The following ERF variants were observed in gnomAD, a reference collection of about 807,000 sequenced individuals.
ERF encodes the protein ETS domain-containing transcription factor ERF.
Under a neutral mutation model 41.6 loss-of-function variants are expected in ERF, and 10 were observed. That is an observed-to-expected ratio of 0.24 (90% confidence interval 0.15 to 0.41). The LOEUF (loss-of-function observed/expected upper bound fraction) is 0.41, where lower values mean the gene tolerates loss of function less well. Ranked by LOEUF, ERF falls within the 10% of genes least tolerant of loss-of-function variation. The probability of loss-of-function intolerance (pLI) is 1.00; values close to 1 mark genes in which losing one functional copy is unlikely to be tolerated. For synonymous variants in ERF, 395 were observed against 342.4 expected, an observed-to-expected ratio of 1.15 and a Z score of -1.70; for missense variants, 621 against 763.2, an observed-to-expected ratio of 0.81 and a Z score of 2.19.
intron 1 of ERF, chr19:42,253,921 G>GCCCCCTTCCCCCT: frequency 1.9e-6 from 2 of 1,053,068 alleles, no homozygotes; most frequent in African/African-American, 3.5e-5. Context: ...GCGGCGCCCG[G>GCCCCCTTCCCCCT]CCCCCTTCCC....
chr19:42,248,698 G>C lies in ERF; in HGVS notation c.1414C>G (p.Pro472Ala), dbSNP rs745620257. The C allele has an allele frequency of 1.2e-6, 2 of 1,611,400 alleles. No individual in the cohort carries two copies. Among genetic ancestry groups the C allele is most frequent in the African/African-American group, 1.3e-5 (1 of 74,890 alleles). Residue 472 changes from proline to alanine, a missense_variant, in exon 4 of 4, where the codon CCC becomes GCC. Physicochemically the swap from Pro to Ala is conservative, Grantham distance 27. Transcript: ENST00000222329. This position sits in a 1 kb window ranked among gnomAD's most constrained non-coding sequence, Gnocchi z 4.2. ...AGGGGCATGCACTGGGATGCCCCGGGTGCCTCGCCGGGCTCAGGCTTAGGG... is the reference window on the plus strand; with the variant it reads ...AGGGGCATGCACTGGGATGCCCCGGCTGCCTCGCCGGGCTCAGGCTTAGGG... ...APPKPEPGEA[P>A]GASQCMPLKL... is the part of the protein sequence containing the mutation.
chr19:42,248,641 C>T lies in ERF; in HGVS notation c.1471G>A (p.Asp491Asn). 6.3e-7 allele frequency: 1 copy of T among 1,593,848 alleles called. No homozygotes were observed. The highest frequency in any genetic ancestry group is 8.6e-7 in the Non-Finnish European group (1 of 1,167,138). ...KLRFKRRWSEDCRLEGGGGPA... is the reference protein window; with the variant it reads ...KLRFKRRWSENCRLEGGGGPA... Reference sequence around the variant, plus strand: ...CCCCCACCCCCTTCGAGGCGACAGTCTTCACTCCAGCGCCGCTTAAAGCGT... The same window carrying T: ...CCCCCACCCCCTTCGAGGCGACAGTTTTCACTCCAGCGCCGCTTAAAGCGT... Residue 491 changes from aspartate (D) to asparagine (N), a missense_variant, in exon 4 of 4, where the codon GAC becomes AAC. Asp to Asn is a conservative substitution (Grantham distance 23). Transcript: ENST00000222329. This position sits in a 1 kb window ranked among gnomAD's most constrained non-coding sequence, Gnocchi z 4.2.
rs1405558150 is a variant in ERF, at chr19:42,250,814, C to T, written c.23-249G>A. Among the ~76,000 whole-genome samples the T allele has an allele frequency of 2.0e-5, 3 of 152,100 alleles. No individual in the cohort carries two copies. Among genetic ancestry groups the T allele is most frequent in the Admixed American group, 6.5e-5 (1 of 15,278 alleles). On this transcript the variant is annotated intron_variant, in intron 1 of 3. Coordinates refer to ENST00000222329, the MANE Select transcript of ERF (RefSeq NM_006494.4). The surrounding 1 kb of genome is among the most constrained non-coding windows in gnomAD (Gnocchi z 5.1). ...GACACCGGGAGAAACAGGAAACCGTCGGCGGTGGGTCCCGGGGCCAGTGCC... is the reference window on the plus strand; with the variant it reads ...GACACCGGGAGAAACAGGAAACCGTTGGCGGTGGGTCCCGGGGCCAGTGCC...
chr19:42,249,864 C>T lies in ERF; in HGVS notation c.336G>A (p.Val112=), dbSNP rs1398610999. 7 of 1,614,032 alleles carry T rather than the reference C, an allele frequency of 4.3e-6. No individual in the cohort carries two copies. Among genetic ancestry groups the T allele is most frequent in the East Asian group, 2.2e-5 (1 of 44,890 alleles). ...FTYKFNFNKL[V]LVNYPFIDVG... ...CATCAATGAATGGGTAATTGACCAGCACCAGTTTGTTGAAATTGAACTTGT... is the reference window on the plus strand; with the variant it reads ...CATCAATGAATGGGTAATTGACCAGTACCAGTTTGTTGAAATTGAACTTGT... The change falls in exon 3 of 4, where the codon GTG becomes GTA. Residue 112 remains valine, a synonymous_variant. Transcript: ENST00000222329. This position sits in a 1 kb window ranked among gnomAD's most constrained non-coding sequence, Gnocchi z 8.6.
chr19:42,250,564 C>T lies in ERF; in HGVS notation c.24G>A (p.Gly8=), dbSNP rs200969503. 1,269 of 1,612,906 alleles carry T rather than the reference C, an allele frequency of 7.9e-4. 4 individuals are homozygous for T. Among genetic ancestry groups the T allele is most frequent in the Non-Finnish European group, 5.2e-4 (615 of 1,179,790 alleles). MKTPADT[G]FAFPDWAYKP... Reference sequence around the variant, plus strand: ...TGTAGGCCCAATCCGGGAAGGCAAACCCTGGGGACGGGAGGCAGGGAGTGG... The same window carrying T: ...TGTAGGCCCAATCCGGGAAGGCAAATCCTGGGGACGGGAGGCAGGGAGTGG... Residue 8 remains glycine (G), a splice_region_variant and synonymous_variant, in exon 2 of 4, where the codon GGG becomes GGA. Transcript: ENST00000222329. The surrounding 1 kb of genome is among the most constrained non-coding windows in gnomAD (Gnocchi z 5.1).
Position 42,255,086 on chromosome 19 carries a change from C to T in ERF, c.-87G>A, listed in dbSNP as rs2036511286. 1.7e-6 allele frequency: 2 copies of T among 1,147,720 alleles called. No homozygotes were observed. Among genetic ancestry groups the T allele is most frequent in the African/African-American group, 3.2e-5 (2 of 61,844 alleles). The allele number at this position is 1,147,720 out of a possible 1,614,324, so 71.1% of individuals were successfully genotyped here. ...CCCGTCCCGTCCCGCGCCCGTCGGG[C>T]CGCCCTCGCCGCCTCACCCGGCCTC... On this transcript the variant is annotated 5_prime_UTR_variant, in exon 1 of 4. Coordinates refer to ENST00000222329, the MANE Select transcript of ERF (RefSeq NM_006494.4).
intron 1 of ERF, chr19:42,253,928 TC>T (rs913971223): frequency 2.3e-5 from 24 of 1,035,284 alleles, no homozygotes; most frequent in South Asian, 5.9e-5. Context: ...CCGGCCCCCT[TC>T]CCCCTCCCCC....
chr19:42,252,748 G>A (rs1356045156), intron 1 of ERF, among the ~76,000 whole-genome samples: 1 of 152,196 alleles, frequency 6.6e-6, no homozygotes, highest in Non-Finnish European at 1.5e-5. Context: ...GAATGAAGAG[G>A]GGGTGACGTC....
Position 42,249,191 on chromosome 19 carries a change from A to G in ERF, c.921T>C (p.Pro307=), listed in dbSNP as rs2036394037. 1 of 1,613,644 alleles carries G rather than the reference A, an allele frequency of 6.2e-7. No individual in the cohort carries two copies. Among genetic ancestry groups the G allele is most frequent in the Non-Finnish European group, 8.5e-7 (1 of 1,179,874 alleles). ...CCTGCAGGTACCGTTTCATGTCCTC[A>G]GGGCTGAAGGAGAAGTGGGAGCCTC... ...SGGGSHFSFS[P]EDMKRYLQAH... is the part of the protein sequence containing the mutation. Residue 307 remains proline (P), a synonymous_variant, in exon 4 of 4, where the codon CCT becomes CCC. Coordinates refer to ENST00000222329, the MANE Select transcript of ERF (RefSeq NM_006494.4). This position sits in a 1 kb window ranked among gnomAD's most constrained non-coding sequence, Gnocchi z 8.6.
At position 42,248,953 on chromosome 19, in the gene ERF, G is replaced by A. The variant is rs868009009; in HGVS notation, c.1159C>T (p.Arg387Trp). The A allele has an allele frequency of 1.9e-6, 3 of 1,606,456 alleles. No homozygotes were observed. Among genetic ancestry groups the A allele is most frequent in the Non-Finnish European group, 1.7e-6 (2 of 1,179,598 alleles). Residue 387 changes from arginine (R) to tryptophan (W), a missense_variant, in exon 4 of 4, where the codon CGG (arginine) becomes TGG (tryptophan). Coordinates refer to ENST00000222329, the MANE Select transcript of ERF (RefSeq NM_006494.4). The surrounding 1 kb of genome is among the most constrained non-coding windows in gnomAD (Gnocchi z 4.2). ...FKLQPPPLGR[R>W]QRAAGEKAVA... ...GCCTTCTCCCCAGCTGCCCGCTGCC[G>A]GCGTCCGAGTGGGGGCGGCTGGAGC...
rs746165064 is a variant in ERF, at chr19:42,249,846, G to T, written c.354C>A (p.Phe118Leu). The T allele has an allele frequency of 2.8e-5, 46 of 1,614,054 alleles. No individual in the cohort carries two copies. Among genetic ancestry groups the T allele is most frequent in the Non-Finnish European group, 5.1e-6 (6 of 1,180,026 alleles). Reference sequence around the variant, plus strand: ...ACTCACCAGCCAACCCCACATCAATGAATGGGTAATTGACCAGCACCAGTT... The same window carrying T: ...ACTCACCAGCCAACCCCACATCAATTAATGGGTAATTGACCAGCACCAGTT... Reference protein sequence around the residue: ...FNKLVLVNYPFIDVGLAGGAV... With the variant: ...FNKLVLVNYPLIDVGLAGGAV... Residue 118 changes from phenylalanine to leucine, a missense_variant, in exon 3 of 4, where the codon TTC becomes TTA. By Grantham distance (22) the Phe-to-Leu change is conservative. Around this residue, in one of 3 missense-constraint regions of ERF, gnomAD observed 569 missense variants for 625.5 expected, o/e 0.91. Coordinates refer to ENST00000222329, the MANE Select transcript of ERF (RefSeq NM_006494.4). This position sits in a 1 kb window ranked among gnomAD's most constrained non-coding sequence, Gnocchi z 8.6.
At chr19:42,251,214 C>G (rs2036440091) in intron 1 of ERF, 1 of 985,066 alleles carries the variant, frequency 1.0e-6, no homozygotes, top group South Asian at 4.7e-5. Flanking sequence ...GCCCTGGACC[C>G]TCTGAGCTAC....
chr19:42,254,222 G>C (rs537576572), intron 1 of ERF, among the ~76,000 whole-genome samples: 7 of 151,674 alleles, frequency 4.6e-5, no homozygotes, highest in Non-Finnish European at 8.9e-5. Flanking sequence ...GGATCCGGGA[G>C]GGGGGGCGAG....
At position 42,249,662 on chromosome 19, in the gene ERF, G is replaced by A. The variant is rs747218945; in HGVS notation, c.450C>T (p.Ser150=). The change falls in exon 4 of 4, where the codon TCC becomes TCT. Residue 150 remains serine, a synonymous_variant. Coordinates refer to ENST00000222329, the MANE Select transcript of ERF (RefSeq NM_006494.4). This position sits in a 1 kb window ranked among gnomAD's most constrained non-coding sequence, Gnocchi z 8.6. ...SHFRFPPSTP[S]EVLSPTEDPR... ...GGTCCTCGGTGGGGGACAGCACCTC[G>A]GAGGGCGTTGAGGGAGGGAAGCGGA... The A allele has an allele frequency of 1.7e-5, 28 of 1,605,342 alleles. No homozygotes were observed. The highest frequency in any genetic ancestry group is 2.7e-5 in the African/African-American group (2 of 74,808).
In ERF at chr19:42,248,864, T is replaced by A; in HGVS notation, c.1248A>T (p.Leu416=). 1 of 1,605,078 alleles carries A rather than the reference T, an allele frequency of 6.2e-7. No individual in the cohort carries two copies. Among genetic ancestry groups the A allele is most frequent in the Middle Eastern group, 1.7e-4 (1 of 6,018 alleles). The part of the protein sequence containing the change: ...AGGLAEGAGA[L]APPPPPPQIK... The stretch of plus-strand genomic sequence containing the variant: ...TCTGTGGTGGCGGGGGCGGTGGGGC[T>A]AGCGCCCCTGCCCCCTCAGCCAGCC... The change falls in exon 4 of 4, where the codon CTA becomes CTT. Residue 416 remains leucine, a synonymous_variant. Coordinates refer to ENST00000222329, the MANE Select transcript of ERF (RefSeq NM_006494.4). The surrounding 1 kb of genome is among the most constrained non-coding windows in gnomAD (Gnocchi z 4.2).
rs2036356843 is a variant in ERF, at chr19:42,247,988, A to C, written c.*477T>G. ...TGGGGTATGAGAAACCTAGGCACTC[A>C]TGGCCCCCTGGAGGGGCAGGGCAGG... On this transcript the variant is annotated 3_prime_UTR_variant, in exon 4 of 4. Coordinates refer to ENST00000222329, the MANE Select transcript of ERF (RefSeq NM_006494.4). 1 of 154,066 alleles carries C rather than the reference A, an allele frequency of 6.5e-6. No individual in the cohort carries two copies. The highest frequency in any genetic ancestry group is 1.4e-5 in the Non-Finnish European group (1 of 69,138). The allele number at this position is 154,066 out of a possible 1,614,324, so 9.5% of individuals were successfully genotyped here.
rs781452659 is a variant in ERF at position 42,249,729 on chromosome 19, A to C, written c.383T>G (p.Val128Gly). The change falls in exon 4 of 4, where the codon GTG becomes GGG. Residue 128 changes from valine to glycine, a missense_variant. Coordinates refer to ENST00000222329, the MANE Select transcript of ERF (RefSeq NM_006494.4). This position sits in a 1 kb window ranked among gnomAD's most constrained non-coding sequence, Gnocchi z 8.6. ...FIDVGLAGGA[V>G]PQSAPPVPSG... is the part of the protein sequence containing the mutation. ...CGGCACTGGCGGGGCACTCTGGGGC[A>C]CTGCACCCCCTGGCAGAAGGGAGAC... The C allele has an allele frequency of 2.7e-5, 44 of 1,602,444 alleles. 1 individual carries two copies. The South Asian group carries it at 4.6e-4, about 17-fold the overall frequency.
In ERF at chr19:42,248,580, T is replaced by C; in HGVS notation, c.1532A>G (p.Lys511Arg). The C allele has an allele frequency of 6.3e-7, 1 of 1,583,730 alleles. No individual in the cohort carries two copies. The highest frequency in any genetic ancestry group is 8.6e-7 in the Non-Finnish European group (1 of 1,164,486). Residue 511 changes from lysine (K) to arginine (R), a missense_variant, in exon 4 of 4, where the codon AAG (lysine) becomes AGG (arginine). Lys to Arg is a conservative substitution (Grantham distance 26). Around this residue, in one of 3 missense-constraint regions of ERF, gnomAD observed 569 missense variants for 625.5 expected, o/e 0.91. Coordinates refer to ENST00000222329, the MANE Select transcript of ERF (RefSeq NM_006494.4). The surrounding 1 kb of genome is among the most constrained non-coding windows in gnomAD (Gnocchi z 4.2). ...CCCAGGCCCCTCCCCACGCACCTTC[T>C]TGTCCTCACCCTCATCCTCAAAGCC... is the stretch of plus-strand genomic sequence containing the variant. Reference protein sequence around the residue: ...AGGFEDEGEDKKVRGEGPGEA... With the variant: ...AGGFEDEGEDRKVRGEGPGEA...
intron 1 of ERF, chr19:42,254,022 G>A: frequency 8.2e-6 from 7 of 848,940 alleles, no homozygotes; most frequent in Non-Finnish European, 9.9e-6. Context: ...CGGGCGCAAA[G>A]TCCAGCCCGC....
Sources: allele counts gnomAD v4.1 joint callset (sites outside exome capture counted in the v4.1 genomes callset), GRCh38; gene constraint gnomAD v4.1.1; regional missense constraint gnomAD v4.1.1; non-coding constraint Gnocchi (gnomAD v3.1); transcripts MANE v1.5; gene names NCBI Gene and HGNC (gene_info 2026-07-23, HGNC 2026-07-21).